CFAP95: variants seen among roughly 807,000 people sequenced by gnomAD.
CFAP95 encodes cilia- and flagella-associated protein 95.
chr9:69,894,209 A>G, the CFAP95 span, among the ~76,000 whole-genome samples: 2 of 152,204 alleles, frequency 1.3e-5, no homozygotes, highest in South Asian at 4.1e-4. Context: ...TTTATAAACA[A>G]ACAGTTCTGG....
the CFAP95 span, among the ~76,000 whole-genome samples, chr9:69,864,172 G>T: frequency 6.6e-6 from 1 of 152,100 alleles, no homozygotes; most frequent in Middle Eastern, 3.2e-3. Flanking sequence ...AGTGATTAGC[G>T]TGTATTGTTG....
At chr9:69,847,755 G>A in the CFAP95 span, among the ~76,000 whole-genome samples, 2 of 152,070 alleles carry the variant, frequency 1.3e-5, no homozygotes, top group Non-Finnish European at 1.5e-5. Context: ...GTTTGCTGCT[G>A]AGTGGCTGCT....
At chr9:69,823,499 G>A in the CFAP95 span, among the ~76,000 whole-genome samples, 3 of 152,080 alleles carry the variant, frequency 2.0e-5, no homozygotes, top group African/African-American at 7.2e-5. Flanking sequence ...GACTGCTCTG[G>A]GCCTGTTTCT....
the CFAP95 span, among the ~76,000 whole-genome samples, chr9:69,841,033 C>A: frequency 6.6e-6 from 1 of 151,126 alleles, no homozygotes; most frequent in Non-Finnish European, 1.5e-5. Context: ...ATGGTAGGAT[C>A]ATTAGGGCCA....
the CFAP95 span, among the ~76,000 whole-genome samples, chr9:69,875,912 A>T: frequency 9.2e-5 from 14 of 152,342 alleles, no homozygotes; most frequent in South Asian, 2.9e-3. Context: ...CACTATTACA[A>T]ATAAGGCCAC....
At chr9:69,827,926 C>A in the CFAP95 span, among the ~76,000 whole-genome samples, 3 of 152,128 alleles carry the variant, frequency 2.0e-5, no homozygotes, top group Non-Finnish European at 2.9e-5. Flanking sequence ...GGAAAGAGAG[C>A]GAGCAGATGC....
the CFAP95 span, among the ~76,000 whole-genome samples, chr9:69,901,356 C>T: frequency 6.6e-6 from 1 of 152,096 alleles, no homozygotes; most frequent in Non-Finnish European, 1.5e-5. Flanking sequence ...CTAGGATGGT[C>T]TCGATCTCCT....
chr9:69,882,182 A>G, the CFAP95 span, among the ~76,000 whole-genome samples: 3 of 152,048 alleles, frequency 2.0e-5, no homozygotes, highest in African/African-American at 4.8e-5. Context: ...GGGTTTCACC[A>G]TGTTGCCCAG....
the CFAP95 span, among the ~76,000 whole-genome samples, chr9:69,895,658 T>C: frequency 1.9e-4 from 29 of 152,316 alleles, no homozygotes; most frequent in African/African-American, 7.0e-4. Context: ...CCTGCTCATC[T>C]TGTGTATCAC....
the CFAP95 span, among the ~76,000 whole-genome samples, chr9:69,863,911 CATATAAACAT>C: frequency 6.6e-6 from 1 of 152,040 alleles, no homozygotes; most frequent in Non-Finnish European, 1.5e-5. Flanking sequence ...AATATATACA[CATATAAACAT>C]GTGTGGTCCC....
At chr9:69,874,939 C>T in the CFAP95 span, among the ~76,000 whole-genome samples, 1 of 152,166 alleles carries the variant, frequency 6.6e-6, no homozygotes, top group Non-Finnish European at 1.5e-5. Flanking sequence ...CTTCCAGAAC[C>T]AGGGGGATCT....
chr9:69,825,461 T>A, the CFAP95 span, among the ~76,000 whole-genome samples: 1 of 152,198 alleles, frequency 6.6e-6, no homozygotes, highest in Non-Finnish European at 1.5e-5. Context: ...ATACCTTTGG[T>A]TCGTTACTAG....
At chr9:69,869,100 A>G in the CFAP95 span, among the ~76,000 whole-genome samples, 1 of 152,232 alleles carries the variant, frequency 6.6e-6, no homozygotes, top group African/African-American at 2.4e-5. Flanking sequence ...TTCCTTAAAA[A>G]TAAAAAATAG....
chr9:69,893,051 C>G, the CFAP95 span, among the ~76,000 whole-genome samples: 1 of 152,314 alleles, frequency 6.6e-6, no homozygotes, highest in Non-Finnish European at 1.5e-5. Context: ...AGAGGGCTGT[C>G]ACACAGAGCT....
the CFAP95 span, among the ~76,000 whole-genome samples, chr9:69,847,180 G>A: frequency 3.3e-5 from 5 of 152,238 alleles, no homozygotes; most frequent in Admixed American, 3.3e-4. Context: ...AACTTGCTGT[G>A]GGAGGGAAGG....
At chr9:69,820,997 A>C in the CFAP95 span, 121 of 1,613,696 alleles carry the variant, frequency 7.5e-5, no homozygotes, top group Non-Finnish European at 9.7e-5. Context: ...CTCCCATCAC[A>C]AGAAATACTC....
chr9:69,863,042 C>G, the CFAP95 span, among the ~76,000 whole-genome samples: 2 of 152,184 alleles, frequency 1.3e-5, no homozygotes, highest in African/African-American at 4.8e-5. Context: ...GTATAGGGAA[C>G]AGTTAAGATG....
chr9:69,849,356 A>AGGGAGGGAGGAAGGGG, the CFAP95 span, among the ~76,000 whole-genome samples: 1 of 151,960 alleles, frequency 6.6e-6, no homozygotes, highest in Non-Finnish European at 1.5e-5. Context: ...CAAAGAAGGA[A>AGGGAGGGAGGAAGGGG]GGGAGGGAGG....
At chr9:69,849,047 T>G in the CFAP95 span, among the ~76,000 whole-genome samples, 1 of 152,234 alleles carries the variant, frequency 6.6e-6, no homozygotes, top group African/African-American at 2.4e-5. Flanking sequence ...CCCTTTTGTA[T>G]GTAAAAGAGC....
Sources: allele counts gnomAD v4.1 joint callset (sites outside exome capture counted in the v4.1 genomes callset), GRCh38; gene constraint gnomAD v4.1.1; transcripts MANE v1.5; gene names NCBI Gene and HGNC (gene_info 2026-07-23, HGNC 2026-07-21).